The following ACOX2 variants were observed in gnomAD, a reference collection of about 807,000 sequenced individuals.
The protein encoded by ACOX2 is peroxisomal acyl-coenzyme A oxidase 2.
ACOX2 carries 59 observed loss-of-function variants against 77.5 expected under a neutral mutation model. The observed-to-expected ratio is 0.76, with a 90% CI of 0.62 to 0.95. The LOEUF is 0.95. ACOX2 is among the 40% of genes least tolerant of loss of function. The pLI is 0.00. For synonymous variants in ACOX2, 317 were observed against 340.1 expected, an observed-to-expected ratio of 0.93 and a Z score of 0.75; for missense variants, 837 against 880.4, an observed-to-expected ratio of 0.95 and a Z score of 0.62.
chr3:58,533,428 G>C lies in ACOX2; in HGVS notation c.583+17C>G. On this transcript the variant is annotated intron_variant, in intron 5 of 14. Coordinates refer to ENST00000302819, the MANE Select transcript of ACOX2 (RefSeq NM_003500.4). This position sits in a 1 kb window ranked among gnomAD's most constrained non-coding sequence, Gnocchi z 5.6. Reference sequence around the variant, plus strand: ...TACTTGGGGAGAGTTAAGGAAGGGGGGTGGATGTATACTCACAGTCTCCAG... The same window carrying C: ...TACTTGGGGAGAGTTAAGGAAGGGGCGTGGATGTATACTCACAGTCTCCAG... The C allele has an allele frequency of 6.2e-7, 1 of 1,606,606 alleles. No homozygotes were observed. Among genetic ancestry groups the C allele is most frequent in the Non-Finnish European group, 8.5e-7 (1 of 1,173,540 alleles).
rs747061287 is a variant in ACOX2 at position 58,531,246 on chromosome 3, G to T, written c.819+5C>A. The T allele has an allele frequency of 6.2e-7, 1 of 1,611,488 alleles. No individual in the cohort carries two copies. The highest frequency in any genetic ancestry group is 8.5e-7 in the Non-Finnish European group (1 of 1,179,278). On this transcript the variant is annotated splice_donor_5th_base_variant and intron_variant, in intron 7 of 14. Transcript: ENST00000302819. The surrounding 1 kb of genome is among the most constrained non-coding windows in gnomAD (Gnocchi z 5.8). ...ACAAGTCCCCGGCCTCCCCAGATCTGTAACCTGTGCAAAGCGACTCAGCAT... is the reference window on the plus strand; with the variant it reads ...ACAAGTCCCCGGCCTCCCCAGATCTTTAACCTGTGCAAAGCGACTCAGCAT...
Position 58,517,409 on chromosome 3 carries a change from A to G in ACOX2, c.1647T>C (p.Tyr549=), listed in dbSNP as rs758835916. The change falls in exon 13 of 15, where the codon TAT becomes TAC. Residue 549 remains tyrosine, a synonymous_variant. Coordinates refer to ENST00000302819, the MANE Select transcript of ACOX2 (RefSeq NM_003500.4). Reference sequence around the variant, plus strand: ...CTTCTGTAAAACCCTTCACAGTGACATAGTAGCAGTGCACCTACAAAGACA... The same window carrying G: ...CTTCTGTAAAACCCTTCACAGTGACGTAGTAGCAGTGCACCTACAAAGACA... ...HLQAAKVHCY[Y]VTVKGFTEAL... 1.9e-5 allele frequency: 31 copies of G among 1,613,910 alleles called. No individual in the cohort carries two copies. The highest frequency in any genetic ancestry group is 2.5e-5 in the Non-Finnish European group (30 of 1,179,942).
At position 58,531,231 on chromosome 3, in the gene ACOX2, G is replaced by A. The variant is rs779460774; in HGVS notation, c.819+20C>T. The A allele has an allele frequency of 5.4e-5, 87 of 1,602,638 alleles. No individual in the cohort carries two copies. The South Asian group carries it at 6.2e-4, about 11-fold the overall frequency. The stretch of plus-strand genomic sequence containing the variant: ...CCCTCTCCAGGAAGTACAAGTCCCC[G>A]GCCTCCCCAGATCTGTAACCTGTGC... On this transcript the variant is annotated intron_variant, in intron 7 of 14. Transcript: ENST00000302819. The surrounding 1 kb of genome is among the most constrained non-coding windows in gnomAD (Gnocchi z 5.8).
chr3:58,509,630 T>TTTTG (rs1480043871), intron 13 of ACOX2, among the ~76,000 whole-genome samples: 9 of 125,654 alleles, frequency 7.2e-5, no homozygotes, highest in Admixed American at 1.6e-4. Context: ...TTTTTTTTGA[T>TTTTG]ACAGAGTCTC....
At chr3:58,517,580 C>G (rs1170991754) in intron 12 of ACOX2, among the ~76,000 whole-genome samples, 157 bp from the exon 13 acceptor site, 1 of 137,896 alleles carries the variant, frequency 7.3e-6, no homozygotes, top group South Asian at 2.2e-4. Flanking sequence ...TGGGTCTGAT[C>G]AAGGCGTTTT....
chr3:58,509,610 G>GTTTTTT (rs148187288), intron 13 of ACOX2, among the ~76,000 whole-genome samples: 2 of 113,234 alleles, frequency 1.8e-5, no homozygotes, highest in Non-Finnish European at 1.8e-5. Flanking sequence ...ATTTCAATCT[G>GTTTTTT]TTTTTTTTTT....
rs7646163 is a variant in ACOX2, at chr3:58,514,416, C to T, written c.1850+2790G>A. Reference sequence around the variant, plus strand: ...GTCCCCCCAGCTGAGGTTTTATGACCGCTTAAACAACTAAAAACTGTTTGG... The same window carrying T: ...GTCCCCCCAGCTGAGGTTTTATGACTGCTTAAACAACTAAAAACTGTTTGG... On this transcript the variant is annotated intron_variant, in intron 13 of 14. Transcript: ENST00000302819. The surrounding 1 kb of genome is among the most constrained non-coding windows in gnomAD (Gnocchi z 4.3). Among the ~76,000 whole-genome samples, 3,447 of 152,192 alleles carry T rather than the reference C, an allele frequency of 0.023. 138 individuals are homozygous for T. Among genetic ancestry groups the T allele is most frequent in the African/African-American group, 0.079 (3,267 of 41,512 alleles).
chr3:58,533,638 G>T lies in ACOX2; in HGVS notation c.476-86C>A. ...GCTTCTAGGTGGGTCTGAACTCTTA[G>T]GCATCAGCGCAGTATGGAGTGGGGC... On this transcript the variant is annotated intron_variant, in intron 4 of 14. Transcript: ENST00000302819. The surrounding 1 kb of genome is among the most constrained non-coding windows in gnomAD (Gnocchi z 5.6). 1 of 1,268,890 alleles carries T rather than the reference G, an allele frequency of 7.9e-7. No individual in the cohort carries two copies. Among genetic ancestry groups the T allele is most frequent in the Non-Finnish European group, 1.1e-6 (1 of 874,582 alleles). The allele number at this position is 1,268,890 out of a possible 1,614,324, so 78.6% of individuals were successfully genotyped here. A position where few individuals can be genotyped will look rare whatever the true frequency, so the allele number is the denominator to read the frequency against.
rs759998908 is a variant in ACOX2 at position 58,533,990 on chromosome 3, T to G, written c.475+4A>C. ...AAACACCACACGCAGCAGTCCTAGCTCACCATGTCCCAACTCTGTCTGTGC... is the reference window on the plus strand; with the variant it reads ...AAACACCACACGCAGCAGTCCTAGCGCACCATGTCCCAACTCTGTCTGTGC... On this transcript the variant is annotated splice_donor_region_variant and intron_variant, in intron 4 of 14. Coordinates refer to ENST00000302819, the MANE Select transcript of ACOX2 (RefSeq NM_003500.4). This position sits in a 1 kb window ranked among gnomAD's most constrained non-coding sequence, Gnocchi z 5.6. 3.8e-5 allele frequency: 62 copies of G among 1,614,016 alleles called. No homozygotes were observed. Among genetic ancestry groups the G allele is most frequent in the Middle Eastern group, 1.6e-4 (1 of 6,084 alleles).
chr3:58,534,930 C>T lies in ACOX2; in HGVS notation c.160+17G>A. 1 of 1,613,978 alleles carries T rather than the reference C, an allele frequency of 6.2e-7. No homozygotes were observed. Among genetic ancestry groups the T allele is most frequent in the Admixed American group, 1.7e-5 (1 of 60,028 alleles). Reference sequence around the variant, plus strand: ...TGGGGCATAAAACAGATGTCCCATTCCCCAGCTTCCCCTTACCAACTTTCC... The same window carrying T: ...TGGGGCATAAAACAGATGTCCCATTTCCCAGCTTCCCCTTACCAACTTTCC... On this transcript the variant is annotated intron_variant, in intron 2 of 14. Transcript: ENST00000302819. The surrounding 1 kb of genome is among the most constrained non-coding windows in gnomAD (Gnocchi z 4.8).
rs545156038 is a variant in ACOX2, at chr3:58,531,567, T to G, written c.703+126A>C. 6.9e-7 allele frequency: 1 copy of G among 1,450,962 alleles called. No homozygotes were observed. Among genetic ancestry groups the G allele is most frequent in the African/African-American group, 1.4e-5 (1 of 70,874 alleles). 89.9% of individuals were successfully genotyped at this position (1,450,962 alleles called of 1,614,324 possible). On this transcript the variant is annotated intron_variant, in intron 6 of 14. Coordinates refer to ENST00000302819, the MANE Select transcript of ACOX2 (RefSeq NM_003500.4). The surrounding 1 kb of genome is among the most constrained non-coding windows in gnomAD (Gnocchi z 5.8). ...CCAGTTAGCACCAAGTCTGTCCAAC[T>G]GGACCGCTCCCTGCCCAAGGGAGAC...
At chr3:58,530,418 A>G in intron 8 of ACOX2, 48 bp downstream of exon 8, 1 of 1,590,708 alleles carries the variant, frequency 6.3e-7, no homozygotes. Context: ...GCACTGTGGG[A>G]CCAAGAGGCA....
Position 58,534,705 on chromosome 3 carries a change from T to C in ACOX2, c.161-183A>G. On this transcript the variant is annotated intron_variant, in intron 2 of 14. Transcript: ENST00000302819. The surrounding 1 kb of genome is among the most constrained non-coding windows in gnomAD (Gnocchi z 4.8). ...TGCCCAAGGTTACAAAGCTATGCAG[T>C]GGCAGAATTTTAGGACCAGAATCCA... 17 of 1,449,998 alleles carry C rather than the reference T, an allele frequency of 1.2e-5. No homozygotes were observed. The highest frequency in any genetic ancestry group is 1.6e-5 in the Non-Finnish European group (17 of 1,065,400). The allele number at this position is 1,449,998 out of a possible 1,614,324, so 89.8% of individuals were successfully genotyped here. A position where few individuals can be genotyped will look rare whatever the true frequency, so the allele number is the denominator to read the frequency against.
In ACOX2 at chr3:58,517,443, T is replaced by A; in HGVS notation, c.1633-20A>T. 1 of 1,609,266 alleles carries A rather than the reference T, an allele frequency of 6.2e-7. No individual in the cohort carries two copies. The highest frequency in any genetic ancestry group is 8.5e-7 in the Non-Finnish European group (1 of 1,175,856). On this transcript the variant is annotated intron_variant, in intron 12 of 14. Coordinates refer to ENST00000302819, the MANE Select transcript of ACOX2 (RefSeq NM_003500.4). ...GTGCACCTACAAAGACACAAAGATA[T>A]GTTCTCCTGATTTCTGGTTTTCTAC...
At chr3:58,530,214 C>T (rs966100920) in intron 8 of ACOX2, among the ~76,000 whole-genome samples, 1 of 152,228 alleles carries the variant, frequency 6.6e-6, no homozygotes, top group Non-Finnish European at 1.5e-5. Flanking sequence ...ACATAGAGCC[C>T]GATGGGGGCC....
intron 13 of ACOX2, among the ~76,000 whole-genome samples, chr3:58,510,693 TATATATATATATATATACACACAC>T (rs1307960885): frequency 0.29 from 5,211 of 17,666 alleles, 1,257 homozygotes; most frequent in East Asian, 0.6. Flanking sequence ...TATATATATA[TATATATATATATATATACACACAC>T]ACACACACAC....
intron 13 of ACOX2, among the ~76,000 whole-genome samples, chr3:58,513,319 G>C (rs745891754): frequency 6.6e-6 from 1 of 152,092 alleles, no homozygotes; most frequent in Non-Finnish European, 1.5e-5. Flanking sequence ...ATGTTTTCTT[G>C]AATTATTTTA....
chr3:58,520,392 C>T (rs1294891090), intron 12 of ACOX2, among the ~76,000 whole-genome samples: 1 of 152,234 alleles, frequency 6.6e-6, no homozygotes, highest in Non-Finnish European at 1.5e-5. Flanking sequence ...TTCCCATGGT[C>T]CTGGAGACTG....
rs2063310568 is a variant in ACOX2, at chr3:58,514,828, A to G, written c.1850+2378T>C. On this transcript the variant is annotated intron_variant, in intron 13 of 14. Coordinates refer to ENST00000302819, the MANE Select transcript of ACOX2 (RefSeq NM_003500.4). The surrounding 1 kb of genome is among the most constrained non-coding windows in gnomAD (Gnocchi z 4.3). The stretch of plus-strand genomic sequence containing the variant: ...TTTATCATCACTGACAACCGGGGCT[A>G]GAACATTATTTTCAAGTGCTTTTAA... 6.6e-6 allele frequency among the ~76,000 whole-genome samples: 1 copy of G among 152,250 alleles called. No homozygotes were observed. The highest frequency in any genetic ancestry group is 2.1e-4 in the South Asian group (1 of 4,838).
Sources: allele counts gnomAD v4.1 joint callset (sites outside exome capture counted in the v4.1 genomes callset), GRCh38; gene constraint gnomAD v4.1.1; non-coding constraint Gnocchi (gnomAD v3.1); transcripts MANE v1.5; gene names NCBI Gene and HGNC (gene_info 2026-07-23, HGNC 2026-07-21).